FRMPD4: variants seen among roughly 807,000 people sequenced by gnomAD.
FRMPD4 encodes FERM and PDZ domain containing 4.
FRMPD4 carries 22 observed loss-of-function variants against 94.1 expected under a neutral mutation model. The observed-to-expected ratio is 0.23, with a 90% CI of 0.17 to 0.33. The LOEUF (loss-of-function observed/expected upper bound fraction) is 0.33, where lower values mean the gene tolerates loss of function less well. FRMPD4 is among the 10% of genes least tolerant of loss of function. The pLI, the probability that FRMPD4 is intolerant of heterozygous loss-of-function variation, is 1.00. For synonymous variants in FRMPD4, 631 were observed against 548.6 expected, an observed-to-expected ratio of 1.15 and a Z score of -2.10; for missense variants, 1,111 against 1,339.9, an observed-to-expected ratio of 0.83 and a Z score of 2.67.
rs752015011 is a variant in FRMPD4, at chrX:12,702,002, A to G, written c.1062A>G (p.Lys354=). ...AGCAAACGCAGAAAATCTCCCTCAA[A>G]TACATCGAGTAAGTGTTGACTCTCA... ...TTKQTQKISL[K]YIEKEWGLET... is the part of the protein sequence containing the mutation. The change falls in exon 10 of 17, where the codon AAA becomes AAG. Residue 354 remains lysine (K), a synonymous_variant. Coordinates refer to ENST00000675598, the MANE Select transcript of FRMPD4 (RefSeq NM_001368397.1). The G allele has an allele frequency of 8.3e-7, 1 of 1,209,262 alleles. No homozygotes were observed. Among genetic ancestry groups the G allele is most frequent in the African/African-American group, 1.7e-5 (1 of 57,576 alleles).
intron 1 of FRMPD4, among the ~76,000 whole-genome samples, chrX:11,860,880 C>T (rs1454153978): frequency 8.9e-6 from 1 of 111,756 alleles, no homozygotes. Context: ...GATTAATCTT[C>T]ATTTACCACT....
At chrX:12,336,363 C>CTCA (rs1403727395) in intron 1 of FRMPD4, among the ~76,000 whole-genome samples, 1 of 112,037 alleles carries the variant, frequency 8.9e-6, no homozygotes, top group Non-Finnish European at 1.9e-5. Flanking sequence ...CTTGCCAAAC[C>CTCA]TCATCTTGGT....
chrX:12,232,894 C>G (rs890171209), intron 1 of FRMPD4, among the ~76,000 whole-genome samples: 3 of 111,989 alleles, frequency 2.7e-5, no homozygotes, highest in Non-Finnish European at 5.6e-5. Context: ...CATTCAAACA[C>G]TGAGTGAGGA....
At chrX:11,902,103 C>G (rs2053941525) in intron 3 of FRMPD4, among the ~76,000 whole-genome samples, 1 of 112,353 alleles carries the variant, frequency 8.9e-6, no homozygotes, top group Non-Finnish European at 1.9e-5. Flanking sequence ...TGCTTCTGAA[C>G]AGTTTTCTAT....
intron 3 of FRMPD4, among the ~76,000 whole-genome samples, chrX:12,013,089 T>A (rs185777094): frequency 8.9e-6 from 1 of 112,102 alleles, no homozygotes. Flanking sequence ...TTGTTTATAG[T>A]GGTCTCTGGT....
chrX:12,321,110 A>G (rs1371206246), intron 1 of FRMPD4, among the ~76,000 whole-genome samples: 1 of 112,460 alleles, frequency 8.9e-6, no homozygotes, highest in Admixed American at 9.4e-5. Context: ...AATTTCAGCT[A>G]ATTGAGTTTA....
intron 6 of FRMPD4, among the ~76,000 whole-genome samples, chrX:12,685,497 T>C (rs1310061354): frequency 8.9e-6 from 1 of 112,553 alleles, no homozygotes; most frequent in African/African-American, 3.2e-5. Flanking sequence ...TTGTTCATTA[T>C]AGACAATGTT....
At chrX:12,416,516 G>T (rs1439712346) in intron 1 of FRMPD4, among the ~76,000 whole-genome samples, 1 of 112,264 alleles carries the variant, frequency 8.9e-6, no homozygotes, top group African/African-American at 3.2e-5. Flanking sequence ...TTAATAATCC[G>T]TTCTTTTTCG....
chrX:12,474,573 T>A (rs1159417195), intron 1 of FRMPD4, among the ~76,000 whole-genome samples: 3 of 110,652 alleles, frequency 2.7e-5, no homozygotes. Context: ...GTAAGACTAA[T>A]AAAGAAGAAA....
chrX:12,378,062 G>T (rs946143710), intron 1 of FRMPD4, among the ~76,000 whole-genome samples: 4 of 112,220 alleles, frequency 3.6e-5, no homozygotes, highest in Non-Finnish European at 7.5e-5. Context: ...CCCAAGGTAC[G>T]TTGCAAAGAG....
At chrX:12,413,361 T>G (rs2056758999) in intron 1 of FRMPD4, among the ~76,000 whole-genome samples, 1 of 112,344 alleles carries the variant, frequency 8.9e-6, no homozygotes, top group Non-Finnish European at 1.9e-5. Flanking sequence ...CTTCCCAGCA[T>G]AGTTTCCTTA....
chrX:12,161,786 GTTTTT>G (rs1172656544), intron 1 of FRMPD4, among the ~76,000 whole-genome samples: 1 of 111,356 alleles, frequency 9.0e-6, no homozygotes, highest in African/African-American at 3.3e-5. Context: ...AATTTGTTTT[GTTTTT>G]TTATATATAT....
At chrX:12,688,227 G>C (rs1339310735) in intron 7 of FRMPD4, among the ~76,000 whole-genome samples, 1 of 111,731 alleles carries the variant, frequency 9.0e-6, no homozygotes, top group Non-Finnish European at 1.9e-5. Flanking sequence ...GCCTTGTTTT[G>C]TGTTGCCAAC....
At chrX:12,563,780 T>C (rs1257210964) in intron 2 of FRMPD4, among the ~76,000 whole-genome samples, 1 of 112,389 alleles carries the variant, frequency 8.9e-6, no homozygotes, top group East Asian at 2.8e-4. Context: ...TATTTTTAAC[T>C]CTAACATGTC....
chrX:12,356,865 A>G (rs1381425855), intron 1 of FRMPD4, among the ~76,000 whole-genome samples: 1 of 111,814 alleles, frequency 8.9e-6, no homozygotes, highest in African/African-American at 3.2e-5. Context: ...GCTGCCCAAG[A>G]GAGAAGATAC....
chrX:12,626,137 G>C (rs7064368), intron 4 of FRMPD4, among the ~76,000 whole-genome samples: 2,524 of 110,105 alleles, frequency 0.023, 72 homozygotes, highest in African/African-American at 0.078. Flanking sequence ...GACCAGCCTG[G>C]TCAACATAGT....
chrX:11,875,869 ATTTTTTT>A lies in FRMPD4; in HGVS notation c.-29-2008_-29-2002del, dbSNP rs869076863. Among the ~76,000 whole-genome samples the A allele has an allele frequency of 1.2e-4, 7 of 57,266 alleles. No homozygotes were observed. The South Asian group carries it at 7.6e-3, about 62-fold the overall frequency. 49.7% of individuals were successfully genotyped at this position (57,266 alleles called of 115,157 possible). A position where few individuals can be genotyped will look rare whatever the true frequency, so the allele number is the denominator to read the frequency against. On this transcript the variant is annotated intron_variant, in intron 2 of 18. Coordinates refer to the FRMPD4 transcript ENST00000640291. ...ACTTGAGGATCTTTACCACTTGAGGATTTTTTTTTTTTTTTTTTTTTTTTGAGATGGA... is the reference window on the plus strand; with the variant it reads ...ACTTGAGGATCTTTACCACTTGAGGATTTTTTTTTTTTTTTTTGAGATGGA...
chrX:12,409,885 C>T (rs1361261676), intron 1 of FRMPD4, among the ~76,000 whole-genome samples: 1 of 111,630 alleles, frequency 9.0e-6, no homozygotes, highest in African/African-American at 3.2e-5. Flanking sequence ...GGTTTTTATT[C>T]TAAATTTTAT....
intron 10 of FRMPD4, among the ~76,000 whole-genome samples, chrX:12,703,662 G>A (rs1297068760): frequency 8.9e-6 from 1 of 111,959 alleles, no homozygotes; most frequent in Non-Finnish European, 1.9e-5. Context: ...AGTCGTTTCT[G>A]GTGAAATTGG....
Sources: gnomAD v4.1 joint callset for allele counts (sites outside exome capture counted in the v4.1 genomes callset) on GRCh38, gnomAD v4.1.1 for gene constraint, MANE v1.5 for transcripts, NCBI Gene and HGNC (gene_info 2026-07-23, HGNC 2026-07-21) for gene names.